Variants in PCCA observed in about 807,000 individuals in gnomAD.
PCCA encodes propionyl-CoA carboxylase alpha chain, mitochondrial.
In PCCA, 74 loss-of-function variants were observed where a neutral mutation model predicts 101.3. That is an observed-to-expected ratio of 0.73 (90% confidence interval 0.61 to 0.89). The LOEUF (loss-of-function observed/expected upper bound fraction) is 0.89. Among genes scored for constraint, PCCA ranks in the 40% least tolerant of loss-of-function variants. The pLI, the probability that PCCA is intolerant of heterozygous loss-of-function variation, is 0.00. For synonymous variants in PCCA, 294 were observed against 313.6 expected, an observed-to-expected ratio of 0.94 and a Z score of 0.66; for missense variants, 891 against 907.0, an observed-to-expected ratio of 0.98 and a Z score of 0.23.
chr13:100,153,909 T>G (rs1341587076), intron 4 of PCCA, among the ~76,000 whole-genome samples: 1 of 152,360 alleles, frequency 6.6e-6, no homozygotes, highest in East Asian at 1.9e-4. Context: ...ATTTATTGAA[T>G]TGACAAAGAG....
intron 12 of PCCA, among the ~76,000 whole-genome samples, chr13:100,288,540 T>C (rs1400160440): frequency 6.6e-6 from 1 of 152,236 alleles, no homozygotes; most frequent in Non-Finnish European, 1.5e-5. Flanking sequence ...CTCTGTCTCC[T>C]AAAGTGCTGG....
chr13:100,349,571 GT>G (rs1407050012), intron 18 of PCCA, among the ~76,000 whole-genome samples: 1 of 152,162 alleles, frequency 6.6e-6, no homozygotes, highest in African/African-American at 2.4e-5. Flanking sequence ...CCACTTTCTG[GT>G]TTCTACTTTA....
intron 16 of PCCA, among the ~76,000 whole-genome samples, chr13:100,322,615 G>C (rs896658901): frequency 1.3e-5 from 2 of 150,714 alleles, no homozygotes; most frequent in African/African-American, 4.9e-5. Context: ...CTGTCACCCA[G>C]ATTTGGGTAC....
At chr13:100,476,528 A>G (rs1291550182) in intron 21 of PCCA, among the ~76,000 whole-genome samples, 1 of 152,220 alleles carries the variant, frequency 6.6e-6, no homozygotes, top group East Asian at 1.9e-4. Flanking sequence ...GAAGTGAGGA[A>G]GAGAAAGTCC....
intron 4 of PCCA, among the ~76,000 whole-genome samples, chr13:100,136,183 G>GT (rs35796452): frequency 0.01 from 1,054 of 102,498 alleles, 22 homozygotes; most frequent in African/African-American, 0.016. Context: ...GTATAAAATT[G>GT]TTTTTTTTTT....
intron 21 of PCCA, among the ~76,000 whole-genome samples, chr13:100,451,130 C>T (rs146870509): frequency 6.6e-6 from 1 of 152,088 alleles, no homozygotes; most frequent in African/African-American, 2.4e-5. Flanking sequence ...GTCTTTTTCT[C>T]TTAAGGCCTT....
At chr13:100,302,753 A>G (rs773620047) in intron 13 of PCCA, among the ~76,000 whole-genome samples, 171 bp from the exon 14 acceptor site, 37 of 152,316 alleles carry the variant, frequency 2.4e-4, no homozygotes, top group Non-Finnish European at 4.1e-4. Flanking sequence ...ATTTTTAAGT[A>G]CATTCTAAGT....
chr13:100,197,487 C>T (rs2058189312), intron 6 of PCCA, among the ~76,000 whole-genome samples: 1 of 152,082 alleles, frequency 6.6e-6, no homozygotes, highest in South Asian at 2.1e-4. Flanking sequence ...CTTTGTCACC[C>T]AGGCTGGAGC....
chr13:100,216,123 T>C (rs1246721478), intron 7 of PCCA, among the ~76,000 whole-genome samples: 1 of 151,834 alleles, frequency 6.6e-6, no homozygotes, highest in Non-Finnish European at 1.5e-5. Context: ...CTTCCCTTTT[T>C]TGGGTTTAAT....
chr13:100,103,757 T>C (rs1353355517), intron 2 of PCCA, among the ~76,000 whole-genome samples: 1 of 152,120 alleles, frequency 6.6e-6, no homozygotes, highest in Non-Finnish European at 1.5e-5. Flanking sequence ...TGTCTCAGCC[T>C]CCTGAGTAGC....
At chr13:100,282,165 G>A (rs1161552373) in intron 12 of PCCA, among the ~76,000 whole-genome samples, 1 of 152,184 alleles carries the variant, frequency 6.6e-6, no homozygotes, top group Non-Finnish European at 1.5e-5. Flanking sequence ...ATTGTTGGGG[G>A]AAATTAGCCC....
intron 19 of PCCA, among the ~76,000 whole-genome samples, chr13:100,418,054 A>G (rs1378852971): frequency 6.6e-6 from 1 of 152,010 alleles, no homozygotes; most frequent in Non-Finnish European, 1.5e-5. Context: ...GTCTGTCTCC[A>G]TACAATCATT....
chr13:100,361,089 A>G (rs1455320718), intron 18 of PCCA, among the ~76,000 whole-genome samples: 1 of 152,194 alleles, frequency 6.6e-6, no homozygotes, highest in African/African-American at 2.4e-5. Flanking sequence ...CATTCTGAAA[A>G]AGGCAAACCT....
chr13:100,375,896 C>T (rs2152821491), intron 19 of PCCA, among the ~76,000 whole-genome samples: 1 of 152,280 alleles, frequency 6.6e-6, no homozygotes, highest in South Asian at 2.1e-4. Flanking sequence ...TCAGGAGACC[C>T]ATCTCACATG....
chr13:100,402,785 T>C (rs73560946), intron 19 of PCCA, among the ~76,000 whole-genome samples: 1,871 of 152,140 alleles, frequency 0.012, 39 homozygotes, highest in African/African-American at 0.042. Context: ...CTGAACAAAA[T>C]GAATAGAATA....
intron 12 of PCCA, among the ~76,000 whole-genome samples, chr13:100,286,084 G>GT (rs1156802645): frequency 6.6e-6 from 1 of 152,004 alleles, no homozygotes; most frequent in Non-Finnish European, 1.5e-5. Flanking sequence ...CTGCATGTGT[G>GT]TGGGGGGGAA....
intron 22 of PCCA, among the ~76,000 whole-genome samples, chr13:100,522,896 C>T (rs2087422619): frequency 1.3e-5 from 2 of 152,252 alleles, no homozygotes; most frequent in Non-Finnish European, 2.9e-5. Flanking sequence ...CCATCATTTT[C>T]ATGCTTTTAT....
chr13:100,503,713 G>A (rs908160253), intron 21 of PCCA, among the ~76,000 whole-genome samples: 1 of 152,060 alleles, frequency 6.6e-6, no homozygotes, highest in African/African-American at 2.4e-5. Flanking sequence ...AGACCAGCCT[G>A]GGCAACATGG....
intron 21 of PCCA, among the ~76,000 whole-genome samples, chr13:100,468,451 T>C (rs187652019): frequency 1.3e-5 from 2 of 152,384 alleles, no homozygotes; most frequent in African/African-American, 4.8e-5. Context: ...ACTGAAAATC[T>C]GTAGTTTAGT....
Sources: gnomAD v4.1 joint callset for allele counts (sites outside exome capture counted in the v4.1 genomes callset) on GRCh38, gnomAD v4.1.1 for gene constraint, MANE v1.5 for transcripts, NCBI Gene and HGNC (gene_info 2026-07-23, HGNC 2026-07-21) for gene names.